The following MALRD1 variants were observed in gnomAD, a reference collection of about 807,000 sequenced individuals.
MALRD1 encodes the protein MAM and LDL receptor class A domain containing 1.
In MALRD1, 247 loss-of-function variants were observed where a neutral mutation model predicts 242.1. The observed-to-expected ratio is 1.02, with a 90% confidence interval of 0.92 to 1.13. MALRD1 has a LOEUF of 1.13. Ranked by LOEUF, MALRD1 falls within the 50% of genes most tolerant of loss-of-function variation. The pLI is 0.00. For synonymous variants in MALRD1, 995 were observed against 866.6 expected, an observed-to-expected ratio of 1.15 and a Z score of -2.60; for missense variants, 2,989 against 2,533.1, an observed-to-expected ratio of 1.18 and a Z score of -3.86.
chr10:19,071,011 C>G (rs1835130419), intron 2 of MALRD1, among the ~76,000 whole-genome samples: 1 of 151,714 alleles, frequency 6.6e-6, no homozygotes, highest in South Asian at 2.1e-4. Context: ...GCCACCACTC[C>G]TGGCTAATTT....
chr10:19,547,818 ATTTTTTTTTTT>A (rs869038128), intron 32 of MALRD1, among the ~76,000 whole-genome samples: 13 of 16,910 alleles, frequency 7.7e-4, no homozygotes, highest in East Asian at 3.5e-3. Flanking sequence ...ATATATATAT[ATTTTTTTTTTT>A]TTTTTTTTTT....
At chr10:19,295,120 A>G (rs1019663010) in intron 21 of MALRD1, among the ~76,000 whole-genome samples, 2 of 152,130 alleles carry the variant, frequency 1.3e-5, no homozygotes, top group Non-Finnish European at 2.9e-5. Flanking sequence ...TCTTCGTTGA[A>G]CAATGTATAG....
chr10:19,690,523 C>T (rs1159988553), intron 36 of MALRD1, among the ~76,000 whole-genome samples: 1 of 152,026 alleles, frequency 6.6e-6, no homozygotes, highest in Non-Finnish European at 1.5e-5. Flanking sequence ...GTTTATTTCT[C>T]ACCAAATCTT....
chr10:19,083,994 TG>T (rs1463188596), intron 2 of MALRD1, among the ~76,000 whole-genome samples: 1 of 151,984 alleles, frequency 6.6e-6, no homozygotes, highest in Non-Finnish European at 1.5e-5. Context: ...AATACTCTTG[TG>T]GTTTATTACA....
chr10:19,263,300 A>T (rs1414145595), intron 19 of MALRD1, among the ~76,000 whole-genome samples: 2 of 152,166 alleles, frequency 1.3e-5, no homozygotes, highest in East Asian at 3.9e-4. Context: ...CTTCACCAAC[A>T]CTAGCTATCT....
intron 11 of MALRD1, among the ~76,000 whole-genome samples, chr10:19,152,799 G>A (rs1490793847): frequency 1.3e-5 from 2 of 151,478 alleles, no homozygotes; most frequent in Non-Finnish European, 2.9e-5. Context: ...TTTCTATAAT[G>A]TCTACTAGAT....
At chr10:19,235,467 AT>A (rs57856671) in intron 18 of MALRD1, among the ~76,000 whole-genome samples, 64,799 of 148,512 alleles carry the variant, frequency 0.44, 14,529 homozygotes, top group Admixed American at 0.59. Flanking sequence ...TAATCGGGTT[AT>A]TTTTTTTTTC....
At position 19,066,746 on chromosome 10, in the gene MALRD1, A is replaced by C. The variant is rs548396975; in HGVS notation, c.227A>C (p.Glu76Ala). 1.1e-4 allele frequency: 135 copies of C among 1,233,714 alleles called. 2 individuals carry two copies. In the South Asian group the frequency reaches 5.0e-3, roughly 46 times the overall value. The allele number at this position is 1,233,714 out of a possible 1,614,324, so 76.4% of individuals were successfully genotyped here. The change falls in exon 2 of 40, where the codon GAG becomes GCG. Residue 76 changes from glutamate (E) to alanine (A), a missense_variant. Coordinates refer to ENST00000454679, the MANE Select transcript of MALRD1 (RefSeq NM_001142308.3). ...TTGAATTATGAAAGATGTGATTTTG[A>C]GGATGGTCTCTGTCATATGACTCAA... ...HCLNYERCDF[E>A]DGLCHMTQDQ...
chr10:19,553,242 CA>C (rs1365928539), intron 32 of MALRD1, among the ~76,000 whole-genome samples: 1 of 151,936 alleles, frequency 6.6e-6, no homozygotes, highest in Non-Finnish European at 1.5e-5. Flanking sequence ...ACAAGGAAAA[CA>C]CTCACAAAAT....
intron 19 of MALRD1, among the ~76,000 whole-genome samples, chr10:19,276,689 C>T (rs868014238): frequency 2.0e-5 from 3 of 151,784 alleles, no homozygotes; most frequent in Admixed American, 6.6e-5. Flanking sequence ...TTTATTATAA[C>T]GTTGGATCCG....
At chr10:19,058,722 A>G (rs191395604) in intron 1 of MALRD1, among the ~76,000 whole-genome samples, 1 of 152,260 alleles carries the variant, frequency 6.6e-6, no homozygotes, top group African/African-American at 2.4e-5. Flanking sequence ...CTTGAAAACA[A>G]CTCAAACACA....
At chr10:19,346,649 GGTTTTTT>G (rs1397598473) in intron 24 of MALRD1, among the ~76,000 whole-genome samples, 1 of 151,762 alleles carries the variant, frequency 6.6e-6, no homozygotes, top group Non-Finnish European at 1.5e-5. Context: ...CTCACTCATT[GGTTTTTT>G]GTTTTTTGTT....
intron 38 of MALRD1, among the ~76,000 whole-genome samples, chr10:19,707,075 CT>C (rs993300261): frequency 6.0e-5 from 9 of 150,086 alleles, no homozygotes; most frequent in African/African-American, 2.0e-4. Context: ...TCTTCTACTT[CT>C]CCCTTCTCCT....
intron 32 of MALRD1, among the ~76,000 whole-genome samples, chr10:19,537,647 CTTATT>C (rs1834750561): frequency 6.6e-6 from 1 of 152,112 alleles, no homozygotes. Context: ...TCATGGGAAA[CTTATT>C]TTATTTTTCC....
At chr10:19,141,104 T>C (rs1833525119) in intron 10 of MALRD1, among the ~76,000 whole-genome samples, 1 of 152,168 alleles carries the variant, frequency 6.6e-6, no homozygotes. Flanking sequence ...AATTAATACA[T>C]ATATATGCAA....
At chr10:19,414,301 T>C (rs997596545) in intron 28 of MALRD1, among the ~76,000 whole-genome samples, 5 of 152,180 alleles carry the variant, frequency 3.3e-5, no homozygotes, top group South Asian at 4.1e-4. Flanking sequence ...GAGCAATAAC[T>C]GATAAGTCAT....
At chr10:19,322,579 A>T (rs1270926265) in intron 21 of MALRD1, among the ~76,000 whole-genome samples, 1 of 152,184 alleles carries the variant, frequency 6.6e-6, no homozygotes, top group African/African-American at 2.4e-5. Flanking sequence ...TAGAGAAGTT[A>T]AATAATCTGC....
chr10:19,167,454 A>G (rs1180793723), intron 13 of MALRD1, among the ~76,000 whole-genome samples: 1 of 152,140 alleles, frequency 6.6e-6, no homozygotes, highest in Non-Finnish European at 1.5e-5. Context: ...ATAGTTGGGG[A>G]TTTAAGGTCA....
At chr10:19,171,740 C>CGTGCATATACGTATATAT (rs1834975713) in intron 13 of MALRD1, among the ~76,000 whole-genome samples, 1 of 116,534 alleles carries the variant, frequency 8.6e-6, no homozygotes, top group Admixed American at 8.6e-5. Flanking sequence ...GTATATATAT[C>CGTGCATATACGTATATAT]ATATAATATA....
Sources: allele counts gnomAD v4.1 joint callset (sites outside exome capture counted in the v4.1 genomes callset), GRCh38; gene constraint gnomAD v4.1.1; transcripts MANE v1.5; gene names NCBI Gene and HGNC (gene_info 2026-07-23, HGNC 2026-07-21).